The following HERC2 variants were observed in gnomAD, a reference collection of about 807,000 sequenced individuals.
The protein encoded by HERC2 is HECT and RLD domain containing E3 ubiquitin protein ligase 2.
In HERC2, 102 loss-of-function variants were observed where a neutral mutation model predicts 537.7. The ratio of observed to expected loss-of-function variants is 0.19; its 90% confidence interval spans 0.16 to 0.22. HERC2 has a LOEUF of 0.22. Among genes scored for constraint, HERC2 ranks in the 10% least tolerant of loss-of-function variants. HERC2 has a pLI of 1.00. For missense variants in HERC2, 4,236 were observed against 6,198.2 expected (o/e 0.68, Z 10.63); for synonymous variants, 2,224 against 2,466.2 (o/e 0.90, Z 2.91).
chr15:28,310,042 C>T (rs1455842031), intron 2 of HERC2, among the ~76,000 whole-genome samples: 52 of 152,214 alleles, frequency 3.4e-4, no homozygotes, highest in African/African-American at 1.2e-3. Context: ...GAGTGACTCA[C>T]ATCTCTAATC....
chr15:28,230,248 G>A (rs1366904326), intron 31 of HERC2, 119 bp downstream of exon 31: 7 of 957,878 alleles, frequency 7.3e-6, no homozygotes, highest in Non-Finnish European at 1.2e-5. Context: ...CATCACTGGG[G>A]CCATGTTTCT....
chr15:28,269,189 T>G, intron 11 of HERC2, 59 bp downstream of exon 11: 1 of 1,408,528 alleles, frequency 7.1e-7, no homozygotes. Context: ...CTTGTGCATC[T>G]GTAGGACAGA....
intron 52 of HERC2, among the ~76,000 whole-genome samples, chr15:28,194,370 A>G (rs1897145974): frequency 7.0e-6 from 1 of 142,528 alleles, no homozygotes. Flanking sequence ...GGAGATCGAG[A>G]CCATCCTGGC....
rs535095945 is a variant in HERC2 at position 28,254,721 on chromosome 15, T to C, written c.2872-203A>G. On this transcript the variant is annotated intron_variant, in intron 19 of 92. Transcript: ENST00000261609. ...CAAACAGTGTCTTCTTTTTACAGAATCAAGGTCCAGGCTGCCTCTGCTGAT... is the reference window on the plus strand; with the variant it reads ...CAAACAGTGTCTTCTTTTTACAGAACCAAGGTCCAGGCTGCCTCTGCTGAT... Among the ~76,000 whole-genome samples, 8 of 152,318 alleles carry C rather than the reference T, an allele frequency of 5.3e-5. No individual in the cohort carries two copies. In the South Asian group the frequency reaches 1.0e-3, roughly 20 times the overall value.
intron 74 of HERC2, among the ~76,000 whole-genome samples, chr15:28,143,336 A>G (rs1393165212): frequency 2.0e-5 from 3 of 152,206 alleles, no homozygotes; most frequent in African/African-American, 4.8e-5. Flanking sequence ...ACACAATCCT[A>G]TGTTCACAGC....
intron 4 of HERC2, 44 bp from the exon 5 acceptor site, chr15:28,280,331 G>T: frequency 6.9e-7 from 1 of 1,459,598 alleles, no homozygotes; most frequent in Non-Finnish European, 9.4e-7. Flanking sequence ...GGACAATGTG[G>T]CCACAGTTTG....
At position 28,113,519 on chromosome 15, in the gene HERC2, G is replaced by T. The variant is rs1887882373; in HGVS notation, c.14019+54C>A. 3.4e-6 allele frequency: 5 copies of T among 1,450,942 alleles called. No individual in the cohort carries two copies. In the Admixed American group the frequency reaches 8.4e-5, roughly 24 times the overall value. The allele number at this position is 1,450,942 out of a possible 1,614,324, so 89.9% of individuals were successfully genotyped here. A position where few individuals can be genotyped will look rare whatever the true frequency, so the allele number is the denominator to read the frequency against. On this transcript the variant is annotated intron_variant, in intron 91 of 92. Coordinates refer to ENST00000261609, the MANE Select transcript of HERC2 (RefSeq NM_004667.6). The surrounding 1 kb of genome is among the most constrained non-coding windows in gnomAD (Gnocchi z 7.0). ...ACTCTAACTGCTGTCACTGATTTGT[G>T]GGTCAGCAGGCAAAAGGCAGCTGCA... is the stretch of plus-strand genomic sequence containing the variant.
chr15:28,192,122 C>T lies in HERC2; in HGVS notation c.8290G>A (p.Gly2764Arg). ...CTGTGGCAACGCTTCAGCTGTTTTC[C>T]AGAACGGCCACAAAATACCGCAGAC... ...GQSAVFCGRS[G>R]KQLKRCHSSQ... Residue 2764 changes from glycine to arginine, a missense_variant, in exon 53 of 93, where the codon GGA (glycine) becomes AGA (arginine). Coordinates refer to ENST00000261609, the MANE Select transcript of HERC2 (RefSeq NM_004667.6). 1 of 1,613,820 alleles carries T rather than the reference C, an allele frequency of 6.2e-7. No individual in the cohort carries two copies. Among genetic ancestry groups the T allele is most frequent in the Non-Finnish European group, 8.5e-7 (1 of 1,179,910 alleles).
Position 28,268,586 on chromosome 15 carries a change from T to C in HERC2, c.1477A>G (p.Arg493Gly), listed in dbSNP as rs1470970407. The change falls in exon 12 of 93, where the codon AGA (arginine) becomes GGA (glycine). Residue 493 changes from arginine (R) to glycine (G), a missense_variant. Coordinates refer to ENST00000261609, the MANE Select transcript of HERC2 (RefSeq NM_004667.6). The surrounding 1 kb of genome is among the most constrained non-coding windows in gnomAD (Gnocchi z 4.7). ...TGGGCAGCAATTTTTACAATGTTTC[T>C]GGAGGCAAGGCCTTGGACCAGCTGT... ...APQLVQGLAS[R>G]NIVKIAAHSD... is the part of the protein sequence containing the mutation. 6.2e-7 allele frequency: 1 copy of C among 1,614,152 alleles called. No individual in the cohort carries two copies. Among genetic ancestry groups the C allele is most frequent in the East Asian group, 2.2e-5 (1 of 44,876 alleles).
In HERC2 at chr15:28,113,920, C is replaced by T. The variant is rs1887937371; in HGVS notation, c.13914-242G>A. 6.6e-6 allele frequency among the ~76,000 whole-genome samples: 1 copy of T among 152,164 alleles called. No individual in the cohort carries two copies. Among genetic ancestry groups the T allele is most frequent in the South Asian group, 2.1e-4 (1 of 4,818 alleles). On this transcript the variant is annotated intron_variant, in intron 90 of 92. Coordinates refer to ENST00000261609, the MANE Select transcript of HERC2 (RefSeq NM_004667.6). The surrounding 1 kb of genome is among the most constrained non-coding windows in gnomAD (Gnocchi z 7.0). ...ATGACCACCTACAGCTATGCACACC[C>T]CAAGACGCCACTCTCAGTACCCACA...
intron 2 of HERC2, among the ~76,000 whole-genome samples, chr15:28,300,032 A>G (rs2076577228): frequency 6.7e-6 from 1 of 149,086 alleles, no homozygotes; most frequent in South Asian, 2.1e-4. Flanking sequence ...AGCCTGAGTG[A>G]CAAGAGCGAG....
In HERC2 at chr15:28,247,812, T is replaced by C. The variant is rs553463807; in HGVS notation, c.3235+740A>G. Among the ~76,000 whole-genome samples the C allele has an allele frequency of 6.6e-4, 101 of 152,314 alleles. 1 individual carries two copies. In the South Asian group the frequency reaches 0.013, roughly 19 times the overall value. ...TCTTTCAAACTATCAGCTCACCTAC[T>C]GAAACCTGAAAGTTTCCATTACTGA... On this transcript the variant is annotated intron_variant, in intron 21 of 92. Coordinates refer to ENST00000261609, the MANE Select transcript of HERC2 (RefSeq NM_004667.6).
intron 67 of HERC2, 61 bp downstream of exon 67, chr15:28,168,346 C>G: frequency 1.3e-6 from 2 of 1,514,054 alleles, no homozygotes; most frequent in Non-Finnish European, 9.1e-7. Context: ...TGAGACTTTC[C>G]TAGACACAAA....
intron 4 of HERC2, among the ~76,000 whole-genome samples, chr15:28,284,060 T>C (rs1011286091): frequency 6.6e-6 from 1 of 152,250 alleles, no homozygotes; most frequent in Non-Finnish European, 1.5e-5. Flanking sequence ...GCATGCTTAA[T>C]AATTTTGTGC....
intron 43 of HERC2, among the ~76,000 whole-genome samples, chr15:28,211,852 C>T (rs188728677): frequency 1.6e-4 from 24 of 152,280 alleles, no homozygotes; most frequent in East Asian, 1.3e-3. Context: ...GGGGAGAAAA[C>T]TCAAGAAGAG....
chr15:28,299,761 A>T (rs534745245), intron 2 of HERC2, among the ~76,000 whole-genome samples: 42 of 152,328 alleles, frequency 2.8e-4, no homozygotes, highest in African/African-American at 9.9e-4. Context: ...TACAAGAAAA[A>T]TGACACGTGG....
chr15:28,272,184 C>A, intron 9 of HERC2, 31 bp downstream of exon 9: 2 of 1,552,852 alleles, frequency 1.3e-6, no homozygotes, highest in South Asian at 1.2e-5. Context: ...TCGAGTGCCA[C>A]CTAAACACAA....
intron 57 of HERC2, among the ~76,000 whole-genome samples, chr15:28,179,446 C>A (rs1895616714): frequency 1.3e-5 from 2 of 152,224 alleles, no homozygotes; most frequent in South Asian, 4.1e-4. Context: ...CGTCACAGCA[C>A]AACCTATTCC....
At chr15:28,260,529 G>A (rs1021813685) in intron 16 of HERC2, among the ~76,000 whole-genome samples, 2 of 152,162 alleles carry the variant, frequency 1.3e-5, no homozygotes, top group South Asian at 2.1e-4. Flanking sequence ...CAATCAGGCC[G>A]GGAAAAGACA....
Sources: gnomAD v4.1 joint callset for allele counts (sites outside exome capture counted in the v4.1 genomes callset) on GRCh38, gnomAD v4.1.1 for gene constraint, Gnocchi (gnomAD v3.1) non-coding constraint, MANE v1.5 for transcripts, NCBI Gene and HGNC (gene_info 2026-07-23, HGNC 2026-07-21) for gene names.